CFAP46: variants seen among roughly 807,000 people sequenced by gnomAD.
The protein encoded by CFAP46 is cilia- and flagella-associated protein 46.
In CFAP46, 245 loss-of-function variants were observed where a neutral mutation model predicts 325.7. The observed-to-expected ratio is 0.75, with a 90% CI of 0.68 to 0.84. The LOEUF (loss-of-function observed/expected upper bound fraction) is 0.84. CFAP46 is among the 40% of genes least tolerant of loss of function. CFAP46 has a pLI of 0.00. For missense variants in CFAP46, 3,346 were observed against 3,543.0 expected, an observed-to-expected ratio of 0.94 and a Z score of 1.41; for synonymous variants, 1,523 against 1,495.9, an observed-to-expected ratio of 1.02 and a Z score of -0.42.
intron 1 of CFAP46, 66 bp downstream of exon 1, chr10:132,942,370 G>A: frequency 7.5e-7 from 1 of 1,339,812 alleles, no homozygotes; most frequent in Non-Finnish European, 9.6e-7. Context: ...GGGCCTCCCC[G>A]GGGCGGGGGT....
Position 132,899,579 on chromosome 10 carries a change from C to A in CFAP46, c.3012G>T (p.Lys1004Asn), listed in dbSNP as rs1305969095. The change falls in exon 23 of 58, where the codon AAG becomes AAT. Residue 1004 changes from lysine to asparagine, a missense_variant. Coordinates refer to ENST00000368586, the MANE Select transcript of CFAP46 (RefSeq NM_001200049.3). ...CCTTGGCTGCCACCAGTCGCAGCTG[C>A]TTCCGGCCCTTCAGGTTTTCCATGA... Reference protein sequence around the residue: ...RSIMENLKGRKQLRLVAAKAF... With the variant: ...RSIMENLKGRNQLRLVAAKAF... 2 of 1,549,794 alleles carry A rather than the reference C, an allele frequency of 1.3e-6. No individual in the cohort carries two copies. Among genetic ancestry groups the A allele is most frequent in the Non-Finnish European group, 1.7e-6 (2 of 1,146,960 alleles).
At position 132,919,528 on chromosome 10, in the gene CFAP46, GA is replaced by G; in HGVS notation, c.1731-87del. 1 of 1,466,748 alleles carries G rather than the reference GA, an allele frequency of 6.8e-7. No homozygotes were observed. 90.9% of individuals were successfully genotyped at this position (1,466,748 alleles called of 1,614,324 possible). ...GAAAACACCTGGGCTGGCTGCCTGA[GA>G]AAAGGCCACTGTGGCTCTGCAGTTT... is the stretch of plus-strand genomic sequence containing the variant. On this transcript the variant is annotated intron_variant, in intron 14 of 57. Transcript: ENST00000368586. This position sits in a 1 kb window ranked among gnomAD's most constrained non-coding sequence, Gnocchi z 9.7.
intron 31 of CFAP46, among the ~76,000 whole-genome samples, chr10:132,874,578 C>A (rs1267450476): frequency 1.2e-4 from 4 of 33,204 alleles, no homozygotes; most frequent in Non-Finnish European, 7.6e-5. Context: ...AAATTATTAG[C>A]GAATAGAAAT....
rs987189310 is a variant in CFAP46 at position 132,877,850 on chromosome 10, G to A, written c.4212+31C>T. 9.7e-6 allele frequency: 15 copies of A among 1,545,768 alleles called. No homozygotes were observed. In the East Asian group the frequency reaches 1.5e-4, roughly 15 times the overall value. On this transcript the variant is annotated intron_variant, in intron 30 of 57. Transcript: ENST00000368586. This position sits in a 1 kb window ranked among gnomAD's most constrained non-coding sequence, Gnocchi z 5.7. Reference sequence around the variant, plus strand: ...CTGAGGCACAGGCCATCCTGGGCCCGGCCTCTGCACCGTGGCCACTTGGGC... The same window carrying A: ...CTGAGGCACAGGCCATCCTGGGCCCAGCCTCTGCACCGTGGCCACTTGGGC...
intron 50 of CFAP46, among the ~76,000 whole-genome samples, chr10:132,830,043 C>T (rs891339989): frequency 2.6e-5 from 4 of 152,000 alleles, no homozygotes; most frequent in Non-Finnish European, 5.9e-5. Context: ...ATGCCAGCCT[C>T]AGAAAATCAG....
intron 31 of CFAP46, among the ~76,000 whole-genome samples, chr10:132,873,489 T>C (rs1848922339): frequency 6.6e-6 from 1 of 151,504 alleles, no homozygotes; most frequent in East Asian, 1.9e-4. Context: ...CACTGAGGCA[T>C]CCAGGGATAC....
At chr10:132,867,794 C>T (rs1591063524) in intron 33 of CFAP46, among the ~76,000 whole-genome samples, 1 of 152,208 alleles carries the variant, frequency 6.6e-6, no homozygotes, top group Non-Finnish European at 1.5e-5. Flanking sequence ...TGCCCAGCCC[C>T]GGCCCCGCTG....
intron 22 of CFAP46, among the ~76,000 whole-genome samples, chr10:132,902,933 T>C (rs1158721482): frequency 6.6e-6 from 1 of 151,548 alleles, no homozygotes; most frequent in East Asian, 1.9e-4. Context: ...CAATGTGAGC[T>C]GGCCACAGCT....
Position 132,832,942 on chromosome 10 carries a change from T to C in CFAP46, c.7117+416A>G. On this transcript the variant is annotated intron_variant, in intron 50 of 57. Coordinates refer to ENST00000368586, the MANE Select transcript of CFAP46 (RefSeq NM_001200049.3). This position sits in a 1 kb window ranked among gnomAD's most constrained non-coding sequence, Gnocchi z 4.1. ...CCAGGATACTGGCACATAGCAGGTA[T>C]TTTATAAATAGTTTTGAGTGTTTAT... The C allele has an allele frequency of 2.5e-6, 1 of 405,126 alleles. No homozygotes were observed. The highest frequency in any genetic ancestry group is 5.1e-6 in the Non-Finnish European group (1 of 195,060). 25.1% of individuals were successfully genotyped at this position (405,126 alleles called of 1,614,324 possible).
At chr10:132,834,261 A>G in intron 48 of CFAP46, 138 bp from the exon 49 acceptor site, 1 of 804,668 alleles carries the variant, frequency 1.2e-6, no homozygotes, top group South Asian at 1.7e-5. Flanking sequence ...GGATGGTCCC[A>G]CTGAGGTGGG....
chr10:132,832,680 G>A lies in CFAP46; in HGVS notation c.7117+678C>T, dbSNP rs1418136840. 5 of 447,688 alleles carry A rather than the reference G, an allele frequency of 1.1e-5. No homozygotes were observed. Among genetic ancestry groups the A allele is most frequent in the African/African-American group, 4.0e-5 (2 of 49,592 alleles). 27.7% of individuals were successfully genotyped at this position (447,688 alleles called of 1,614,324 possible). A position where few individuals can be genotyped will look rare whatever the true frequency, so the allele number is the denominator to read the frequency against. The stretch of plus-strand genomic sequence containing the variant: ...AAACTGCACGTACCGCAAGGGTAGC[G>A]CTCGGGGAAGCTTCACAACCGGGGC... On this transcript the variant is annotated intron_variant, in intron 50 of 57. Coordinates refer to ENST00000368586, the MANE Select transcript of CFAP46 (RefSeq NM_001200049.3). The surrounding 1 kb of genome is among the most constrained non-coding windows in gnomAD (Gnocchi z 4.1).
chr10:132,912,884 T>TG lies in CFAP46; in HGVS notation c.2334-65dup, dbSNP rs535026583. On this transcript the variant is annotated intron_variant, in intron 18 of 57. Coordinates refer to ENST00000368586, the MANE Select transcript of CFAP46 (RefSeq NM_001200049.3). The stretch of plus-strand genomic sequence containing the variant: ...CAGGCCTCGCCCCGATCCCATGTGC[T>TG]GAGTCCTCAGGTCACGGTAAGAGGC... The TG allele has an allele frequency of 3.7e-3, 5,620 of 1,530,984 alleles. 11 individuals are homozygous for TG. Among genetic ancestry groups the TG allele is most frequent in the Non-Finnish European group, 4.4e-3 (5,062 of 1,138,122 alleles). The allele number at this position is 1,530,984 out of a possible 1,614,324, so 94.8% of individuals were successfully genotyped here.
At chr10:132,937,213 T>G (rs1850021824) in intron 6 of CFAP46, 158 bp from the exon 7 acceptor site, 2 of 515,986 alleles carry the variant, frequency 3.9e-6, no homozygotes, top group African/African-American at 3.9e-5. Context: ...TGCTGATGAA[T>G]GAATGCTTTT....
At chr10:132,938,461 G>A (rs1462155480) in intron 5 of CFAP46, 128 bp downstream of exon 5, 2 of 892,234 alleles carry the variant, frequency 2.2e-6, no homozygotes, top group East Asian at 2.5e-5. Context: ...GACTGTGGGA[G>A]AGAACGCACA....
intron 39 of CFAP46, among the ~76,000 whole-genome samples, chr10:132,855,914 C>G (rs745394199): frequency 1.6e-4 from 24 of 152,232 alleles, no homozygotes; most frequent in Non-Finnish European, 3.1e-4. Context: ...CTGGAGTTTA[C>G]GTGTTCGAGG....
chr10:132,846,314 G>A (rs1848436040), intron 43 of CFAP46, 87 bp from the exon 44 acceptor site: 4 of 1,464,252 alleles, frequency 2.7e-6, no homozygotes, highest in African/African-American at 1.4e-5. Flanking sequence ...AGCAGCTGCA[G>A]CCTGGGAGCA....
chr10:132,928,724 C>A (rs1239203488), intron 9 of CFAP46, among the ~76,000 whole-genome samples: 2 of 152,216 alleles, frequency 1.3e-5, no homozygotes, highest in Non-Finnish European at 2.9e-5. Flanking sequence ...CTTCTTCACT[C>A]TCTGTGTGTA....
chr10:132,824,981 GATGTGTGC>G (rs1564768335), intron 50 of CFAP46, among the ~76,000 whole-genome samples: 3 of 136,072 alleles, frequency 2.2e-5, no homozygotes, highest in Non-Finnish European at 3.3e-5. Context: ...GATGTGTGCT[GATGTGTGC>G]TGTGTGTGCT....
intron 44 of CFAP46, among the ~76,000 whole-genome samples, chr10:132,845,445 C>A (rs190256508): frequency 1.3e-5 from 2 of 152,204 alleles, no homozygotes; most frequent in Non-Finnish European, 2.9e-5. Context: ...CACCAAACAG[C>A]CCTGGACGAG....
Sources: gnomAD v4.1 joint callset for allele counts (sites outside exome capture counted in the v4.1 genomes callset) on GRCh38, gnomAD v4.1.1 for gene constraint, Gnocchi (gnomAD v3.1) non-coding constraint, MANE v1.5 for transcripts, NCBI Gene and HGNC (gene_info 2026-07-23, HGNC 2026-07-21) for gene names.